TMEM178B: variants seen among roughly 807,000 people sequenced by gnomAD.
The protein encoded by TMEM178B is transmembrane protein 178B.
Under a neutral mutation model 31.0 loss-of-function variants are expected in TMEM178B, and 5 were observed. The observed-to-expected ratio is 0.16, with a 90% CI of 0.08 to 0.34. The LOEUF is 0.34. Ranked by LOEUF, TMEM178B falls within the 10% of genes least tolerant of loss-of-function variation. The pLI is 1.00. For missense variants in TMEM178B, 275 were observed against 400.3 expected, an observed-to-expected ratio of 0.69 and a Z score of 2.67; for synonymous variants, 164 against 164.0, an observed-to-expected ratio of 1.00 and a Z score of 0.00.
At chr7:141,433,155 G>A (rs915635657) in intron 2 of TMEM178B, among the ~76,000 whole-genome samples, 3 of 152,256 alleles carry the variant, frequency 2.0e-5, no homozygotes, top group Non-Finnish European at 4.4e-5. Context: ...CCTAAGGACT[G>A]TGTTTTACGA....
intron 2 of TMEM178B, among the ~76,000 whole-genome samples, chr7:141,396,019 A>C (rs924396994): frequency 5.9e-5 from 9 of 152,162 alleles, no homozygotes; most frequent in Admixed American, 5.2e-4. Context: ...TTAGTCATTC[A>C]AGGAGATACG....
At chr7:141,499,407 T>C in the TMEM178B span, among the ~76,000 whole-genome samples, 3 of 143,856 alleles carry the variant, frequency 2.1e-5, no homozygotes, top group South Asian at 2.2e-4. Flanking sequence ...GTGGGAGGAT[T>C]GGTTGAGCCC....
intron 1 of TMEM178B, among the ~76,000 whole-genome samples, chr7:141,077,979 G>A (rs1251829179): frequency 6.6e-6 from 1 of 152,106 alleles, no homozygotes; most frequent in African/African-American, 2.4e-5. Flanking sequence ...TTTTTATGAT[G>A]GATAAGGTTT....
chr7:141,159,677 G>A (rs144720452), intron 1 of TMEM178B, among the ~76,000 whole-genome samples: 14 of 152,316 alleles, frequency 9.2e-5, no homozygotes, highest in Admixed American at 4.6e-4. Context: ...AGGACATCAT[G>A]CCAAGCGAAG....
intron 1 of TMEM178B, among the ~76,000 whole-genome samples, chr7:141,200,927 T>C (rs1035486900): frequency 6.6e-6 from 1 of 152,158 alleles, no homozygotes; most frequent in Non-Finnish European, 1.5e-5. Flanking sequence ...AGCAATGGCT[T>C]GGCGAGGATG....
intron 3 of TMEM178B, among the ~76,000 whole-genome samples, chr7:141,454,787 G>T (rs1158937671): frequency 1.3e-5 from 2 of 152,170 alleles, no homozygotes; most frequent in African/African-American, 4.8e-5. Flanking sequence ...CTGTAGACTT[G>T]TCAGTAACAG....
rs761321896 is a variant in TMEM178B, at chr7:141,294,278, G to T, written c.496+81574G>T. On this transcript the variant is annotated intron_variant, in intron 2 of 3. Coordinates refer to ENST00000565468, the MANE Select transcript of TMEM178B (RefSeq NM_001195278.2). ...AAAGATGTAGTTTCAGGGCCCCTTA[G>T]TTCCTCTCCACCCCTGCTGATCTCA... Among the ~76,000 whole-genome samples, 62 of 152,186 alleles carry T rather than the reference G, an allele frequency of 4.1e-4. 1 individual carries two copies. The highest frequency in any genetic ancestry group is 1.4e-3 in the African/African-American group (58 of 41,440).
At chr7:141,225,093 A>G (rs1797319648) in intron 2 of TMEM178B, among the ~76,000 whole-genome samples, 1 of 152,200 alleles carries the variant, frequency 6.6e-6, no homozygotes, top group Admixed American at 6.5e-5. Context: ...GTTGCCAGTG[A>G]TGGAATTGAG....
intron 2 of TMEM178B, among the ~76,000 whole-genome samples, chr7:141,325,016 G>C (rs1034078811): frequency 2.0e-5 from 3 of 152,006 alleles, no homozygotes; most frequent in African/African-American, 7.2e-5. Context: ...GTGAGGGGCC[G>C]ATGACAATTT....
At chr7:141,164,275 G>A (rs1299549193) in intron 1 of TMEM178B, among the ~76,000 whole-genome samples, 3 of 152,138 alleles carry the variant, frequency 2.0e-5, no homozygotes, top group East Asian at 1.9e-4. Flanking sequence ...AATCTATTCC[G>A]AAATGTAAAA....
chr7:141,487,388 C>T, the TMEM178B span, among the ~76,000 whole-genome samples: 7 of 152,066 alleles, frequency 4.6e-5, no homozygotes, highest in East Asian at 5.8e-4. Flanking sequence ...GTTCTCCATC[C>T]GCGACAATGG....
chr7:141,142,093 C>T (rs1407367113), intron 1 of TMEM178B, among the ~76,000 whole-genome samples: 1 of 152,118 alleles, frequency 6.6e-6, no homozygotes, highest in Non-Finnish European at 1.5e-5. Context: ...TGTTGCCATC[C>T]TTATGTCCAT....
At chr7:141,347,113 T>C (rs573115275) in intron 2 of TMEM178B, among the ~76,000 whole-genome samples, 1 of 152,348 alleles carries the variant, frequency 6.6e-6, no homozygotes. Flanking sequence ...TTCCCCATCA[T>C]GATTCCTGGT....
At chr7:141,490,544 C>T in the TMEM178B span, among the ~76,000 whole-genome samples, 4 of 152,204 alleles carry the variant, frequency 2.6e-5, no homozygotes, top group Non-Finnish European at 5.9e-5. Context: ...CCAACCCTGC[C>T]AACACCTCCA....
At chr7:141,302,366 T>C (rs558466705) in intron 2 of TMEM178B, among the ~76,000 whole-genome samples, 62 of 152,340 alleles carry the variant, frequency 4.1e-4, no homozygotes, top group African/African-American at 1.5e-3. Context: ...ATTCCAATTA[T>C]GTGAGTAGTC....
At chr7:141,216,129 C>T (rs750290384) in intron 2 of TMEM178B, among the ~76,000 whole-genome samples, 3 of 151,962 alleles carry the variant, frequency 2.0e-5, no homozygotes, top group Admixed American at 6.6e-5. Context: ...CTGTCCCTGA[C>T]CTGAATTACA....
At position 141,344,032 on chromosome 7, in the gene TMEM178B, A is replaced by T. The variant is rs1799565717; in HGVS notation, c.497-93576A>T. Among the ~76,000 whole-genome samples the T allele has an allele frequency of 6.6e-6, 1 of 152,168 alleles. No homozygotes were observed. The highest frequency in any genetic ancestry group is 1.5e-5 in the Non-Finnish European group (1 of 68,022). On this transcript the variant is annotated intron_variant, in intron 2 of 3. Coordinates refer to ENST00000565468, the MANE Select transcript of TMEM178B (RefSeq NM_001195278.2). The surrounding 1 kb of genome is among the most constrained non-coding windows in gnomAD (Gnocchi z 4.1). ...TACTGCAGAGGAAAGGACAGCTTGGATTGTGACAGATTTTAAAATACGGAG... is the reference window on the plus strand; with the variant it reads ...TACTGCAGAGGAAAGGACAGCTTGGTTTGTGACAGATTTTAAAATACGGAG...
chr7:141,376,424 A>G (rs1438507669), intron 2 of TMEM178B, among the ~76,000 whole-genome samples: 1 of 152,228 alleles, frequency 6.6e-6, no homozygotes, highest in East Asian at 1.9e-4. Flanking sequence ...TAATATAGGA[A>G]AGAGACTGAT....
chr7:141,481,231 C>T (rs1802468902), downstream of TMEM178B, among the ~76,000 whole-genome samples: 1 of 152,288 alleles, frequency 6.6e-6, no homozygotes, highest in East Asian at 1.9e-4. Context: ...TGTCAGAATC[C>T]CACATGGGTG....
Sources: allele counts gnomAD v4.1 joint callset (sites outside exome capture counted in the v4.1 genomes callset), GRCh38; gene constraint gnomAD v4.1.1; non-coding constraint Gnocchi (gnomAD v3.1); transcripts MANE v1.5; gene names NCBI Gene and HGNC (gene_info 2026-07-23, HGNC 2026-07-21).